Variants in CHTF8 observed in about 807,000 individuals in gnomAD.
CHTF8 encodes chromosome transmission fidelity protein 8 homolog.
A neutral mutation model predicts 11.0 loss-of-function variants in CHTF8; 6 were observed. That is an observed-to-expected ratio of 0.55 (90% CI 0.30 to 1.08). The LOEUF is 1.08. Ranked by LOEUF, CHTF8 falls within the 50% of genes least tolerant of loss-of-function variation. The pLI is 0.07. For synonymous variants in CHTF8, 53 were observed against 60.5 expected, an observed-to-expected ratio of 0.88 and a Z score of 0.57; for missense variants, 140 against 153.1, an observed-to-expected ratio of 0.91 and a Z score of 0.45.
In CHTF8 at chr16:69,119,422, C is replaced by G. The variant is rs960380567; in HGVS notation, c.*1003G>C. The G allele has an allele frequency of 1.4e-6, 1 of 702,936 alleles. No homozygotes were observed. Among genetic ancestry groups the G allele is most frequent in the Admixed American group, 2.0e-5 (1 of 50,004 alleles). 43.5% of individuals were successfully genotyped at this position (702,936 alleles called of 1,614,324 possible). A position where few individuals can be genotyped will look rare whatever the true frequency, so the allele number is the denominator to read the frequency against. ...ATTAGGGCCTATGGGGCCAGGAGCC[C>G]TTGACATGGGAGATGGATTTGGCCC... On this transcript the variant is annotated 3_prime_UTR_variant, in exon 4 of 4. Coordinates refer to ENST00000448552, the MANE Select transcript of CHTF8 (RefSeq NM_001039690.5).
chr16:69,118,384 T>C lies in CHTF8; in HGVS notation c.*2041A>G. On this transcript the variant is annotated 3_prime_UTR_variant, in exon 4 of 4. Transcript: ENST00000448552. ...CAGGGAAAGGTATGGCAGTAGAGGATGACCAGGTCCAAGCTGCCCAGGTCA... is the reference window on the plus strand; with the variant it reads ...CAGGGAAAGGTATGGCAGTAGAGGACGACCAGGTCCAAGCTGCCCAGGTCA... The C allele has an allele frequency of 6.2e-7, 1 of 1,612,742 alleles. No homozygotes were observed. The highest frequency in any genetic ancestry group is 1.3e-5 in the African/African-American group (1 of 74,994).
intron 1 of CHTF8, among the ~76,000 whole-genome samples, chr16:69,131,064 A>G (rs1962470945): frequency 6.6e-6 from 1 of 152,198 alleles, no homozygotes; most frequent in South Asian, 2.1e-4. Flanking sequence ...ACAGGTCTAT[A>G]CTTTTGAAGG....
At position 69,120,533 on chromosome 16, in the gene CHTF8, A is replaced by T; in HGVS notation, c.258T>A (p.Leu86=). Residue 86 remains leucine, a synonymous_variant, in exon 4 of 4, where the codon CTT becomes CTA. Coordinates refer to ENST00000448552, the MANE Select transcript of CHTF8 (RefSeq NM_001039690.5). The surrounding 1 kb of genome is among the most constrained non-coding windows in gnomAD (Gnocchi z 4.0). ...GGTACCGGGTGCCAGTCTCGCGGCC[A>T]AGCTCATCACAGTCCTGATCCCCAG... ...HTPGDQDCDE[L]GRETGTRYLV... The T allele has an allele frequency of 6.2e-7, 1 of 1,614,118 alleles. No homozygotes were observed. Among genetic ancestry groups the T allele is most frequent in the East Asian group, 2.2e-5 (1 of 44,864 alleles).
rs1351932714 is a variant in CHTF8 at position 69,119,770 on chromosome 16, G to A, written c.*655C>T. On this transcript the variant is annotated 3_prime_UTR_variant, in exon 4 of 4. Transcript: ENST00000448552. ...CACACCTGACCTGGGGGCAGGGTTTGTCCCTAAAAAGCCTGATCTCAGATT... is the reference window on the plus strand; with the variant it reads ...CACACCTGACCTGGGGGCAGGGTTTATCCCTAAAAAGCCTGATCTCAGATT... 1.4e-6 allele frequency: 1 copy of A among 698,782 alleles called. No homozygotes were observed. Among genetic ancestry groups the A allele is most frequent in the Non-Finnish European group, 2.6e-6 (1 of 382,752 alleles). 43.3% of individuals were successfully genotyped at this position (698,782 alleles called of 1,614,324 possible). A position where few individuals can be genotyped will look rare whatever the true frequency, so the allele number is the denominator to read the frequency against.
At chr16:69,125,421 G>A (rs1961986860) in intron 1 of CHTF8, among the ~76,000 whole-genome samples, 1 of 152,170 alleles carries the variant, frequency 6.6e-6, no homozygotes, top group Admixed American at 6.5e-5. Context: ...CAGCTGCTAT[G>A]TGACAGAGTA....
At position 69,119,505 on chromosome 16, in the gene CHTF8, T is replaced by G. The variant is rs1597106515; in HGVS notation, c.*920A>C. The stretch of plus-strand genomic sequence containing the variant: ...AGTTTGGGCCCATGGGGCCAGGTAC[T>G]CTTGCCATGGAGGATGGGCTTGTGC... On this transcript the variant is annotated 3_prime_UTR_variant, in exon 4 of 4. Transcript: ENST00000448552. 1 of 702,990 alleles carries G rather than the reference T, an allele frequency of 1.4e-6. No individual in the cohort carries two copies. The highest frequency in any genetic ancestry group is 2.7e-5 in the East Asian group (1 of 37,294). 43.5% of individuals were successfully genotyped at this position (702,990 alleles called of 1,614,324 possible). A position where few individuals can be genotyped will look rare whatever the true frequency, so the allele number is the denominator to read the frequency against.
At chr16:69,126,783 A>G (rs566161966) in intron 1 of CHTF8, among the ~76,000 whole-genome samples, 1 of 152,276 alleles carries the variant, frequency 6.6e-6, no homozygotes, top group Admixed American at 6.5e-5. Flanking sequence ...TAGCACCTTA[A>G]AATATCCTGT....
chr16:69,120,448 T>C lies in CHTF8; in HGVS notation c.343A>G (p.Thr115Ala), dbSNP rs777550145. 1.2e-6 allele frequency: 2 copies of C among 1,614,078 alleles called. No homozygotes were observed. Among genetic ancestry groups the C allele is most frequent in the Non-Finnish European group, 1.7e-6 (2 of 1,179,994 alleles). Residue 115 changes from threonine to alanine, a missense_variant, in exon 4 of 4, where the codon ACC becomes GCC. Physicochemically the swap from Thr to Ala is moderately conservative, Grantham distance 58. Coordinates refer to ENST00000448552, the MANE Select transcript of CHTF8 (RefSeq NM_001039690.5). The surrounding 1 kb of genome is among the most constrained non-coding windows in gnomAD (Gnocchi z 4.0). ...LFKTRPKPII[T>A]SVPKKV Reference sequence around the variant, plus strand: ...TTTCATACTTTCTTGGGGACGCTGGTGATAATGGGCTTGGGGCGGGTTTTG... The same window carrying C: ...TTTCATACTTTCTTGGGGACGCTGGCGATAATGGGCTTGGGGCGGGTTTTG...
chr16:69,119,461 C>T lies in CHTF8; in HGVS notation c.*964G>A. ...TGGATTTGGCCCTGGAAGGCCAATT[C>T]CCCGAGAGCTAGGACCCGAGTTTGG... On this transcript the variant is annotated 3_prime_UTR_variant, in exon 4 of 4. Coordinates refer to ENST00000448552, the MANE Select transcript of CHTF8 (RefSeq NM_001039690.5). 2 of 702,904 alleles carry T rather than the reference C, an allele frequency of 2.8e-6. No individual in the cohort carries two copies. The highest frequency in any genetic ancestry group is 3.0e-5 in the South Asian group (2 of 67,574). The allele number at this position is 702,904 out of a possible 1,614,324, so 43.5% of individuals were successfully genotyped here. A position where few individuals can be genotyped will look rare whatever the true frequency, so the allele number is the denominator to read the frequency against.
Position 69,118,870 on chromosome 16 carries a change from C to G in CHTF8, c.*1555G>C. On this transcript the variant is annotated 3_prime_UTR_variant, in exon 4 of 4. Coordinates refer to ENST00000448552, the MANE Select transcript of CHTF8 (RefSeq NM_001039690.5). ...AAATGGTGTTTAAGGGGGCAACATT[C>G]CATTTGGGTACATTGCAGCCATTGG... The G allele has an allele frequency of 1.4e-6, 1 of 702,630 alleles. No homozygotes were observed. Among genetic ancestry groups the G allele is most frequent in the Non-Finnish European group, 2.6e-6 (1 of 384,718 alleles). 43.5% of individuals were successfully genotyped at this position (702,630 alleles called of 1,614,324 possible).
chr16:69,130,731 G>A (rs923571331), intron 1 of CHTF8, among the ~76,000 whole-genome samples: 1 of 152,164 alleles, frequency 6.6e-6, no homozygotes, highest in East Asian at 1.9e-4. Context: ...GAGAAAGGTG[G>A]CATTTTCTTA....
chr16:69,124,830 C>G (rs1961938750), intron 1 of CHTF8, among the ~76,000 whole-genome samples: 1 of 152,128 alleles, frequency 6.6e-6, no homozygotes, highest in Admixed American at 6.5e-5. Flanking sequence ...GTTAATCTTC[C>G]TTTTGGATCT....
chr16:69,123,752 C>T (rs112659691), intron 1 of CHTF8, among the ~76,000 whole-genome samples: 19 of 152,182 alleles, frequency 1.2e-4, no homozygotes, highest in African/African-American at 3.6e-4. Context: ...CAAAAGCTTT[C>T]ACCACCTTTC....
rs1961327438 is a variant in CHTF8, at chr16:69,118,385, G to A, written c.*2040C>T. 1 of 1,612,754 alleles carries A rather than the reference G, an allele frequency of 6.2e-7. No homozygotes were observed. Among genetic ancestry groups the A allele is most frequent in the Non-Finnish European group, 8.5e-7 (1 of 1,178,764 alleles). On this transcript the variant is annotated 3_prime_UTR_variant, in exon 4 of 4. Transcript: ENST00000448552. ...AGGGAAAGGTATGGCAGTAGAGGAT[G>A]ACCAGGTCCAAGCTGCCCAGGTCAG... is the stretch of plus-strand genomic sequence containing the variant.
chr16:69,129,089 CAAAAA>C (rs768378198), intron 1 of CHTF8, among the ~76,000 whole-genome samples: 1 of 144,562 alleles, frequency 6.9e-6, no homozygotes, highest in South Asian at 2.2e-4. Flanking sequence ...TGAAACAAAA[CAAAAA>C]AAAAACTGGC....
Position 69,118,443 on chromosome 16 carries a change from AC to A in CHTF8, c.*1981del. On this transcript the variant is annotated 3_prime_UTR_variant, in exon 4 of 4. Coordinates refer to ENST00000448552, the MANE Select transcript of CHTF8 (RefSeq NM_001039690.5). ...GAAGCATGGTCCGTTCACCAACGCC[AC>A]GTTTCTAGAGAGCAGTGAGCTGATT... 6.2e-7 allele frequency: 1 copy of A among 1,609,568 alleles called. No individual in the cohort carries two copies. The highest frequency in any genetic ancestry group is 1.7e-4 in the Middle Eastern group (1 of 6,048).
rs769889353 is a variant in CHTF8, at chr16:69,120,906, T to C, written c.141+147A>G. On this transcript the variant is annotated intron_variant, in intron 3 of 3. Transcript: ENST00000448552. This position sits in a 1 kb window ranked among gnomAD's most constrained non-coding sequence, Gnocchi z 4.0. Reference sequence around the variant, plus strand: ...TTAAATTTCCCTGCTACTGCAGAGGTAGGGGGAGAACAAGCAGAGAGCATC... The same window carrying C: ...TTAAATTTCCCTGCTACTGCAGAGGCAGGGGGAGAACAAGCAGAGAGCATC... The C allele has an allele frequency of 2.5e-6, 2 of 807,726 alleles. No homozygotes were observed. Among genetic ancestry groups the C allele is most frequent in the South Asian group, 1.4e-5 (1 of 73,504 alleles). The allele number at this position is 807,726 out of a possible 1,614,324, so 50.0% of individuals were successfully genotyped here.
Position 69,120,963 on chromosome 16 carries a change from G to T in CHTF8, c.141+90C>A. On this transcript the variant is annotated intron_variant, in intron 3 of 3. Coordinates refer to ENST00000448552, the MANE Select transcript of CHTF8 (RefSeq NM_001039690.5). The surrounding 1 kb of genome is among the most constrained non-coding windows in gnomAD (Gnocchi z 4.0). ...TAGCTAGGCCTTGAATAACAAACCTGAGGCAGTCCTCACTCTGGGTCCTGG... is the reference window on the plus strand; with the variant it reads ...TAGCTAGGCCTTGAATAACAAACCTTAGGCAGTCCTCACTCTGGGTCCTGG... The T allele has an allele frequency of 9.2e-7, 1 of 1,086,994 alleles. No homozygotes were observed. Among genetic ancestry groups the T allele is most frequent in the Non-Finnish European group, 1.4e-6 (1 of 698,528 alleles). The allele number at this position is 1,086,994 out of a possible 1,614,324, so 67.3% of individuals were successfully genotyped here.
At chr16:69,126,725 C>T (rs1962085761) in intron 1 of CHTF8, among the ~76,000 whole-genome samples, 1 of 152,212 alleles carries the variant, frequency 6.6e-6, no homozygotes, top group South Asian at 2.1e-4. Context: ...TACTACTAGT[C>T]AGGAACGTAG....
Sources: gnomAD v4.1 joint callset for allele counts (sites outside exome capture counted in the v4.1 genomes callset) on GRCh38, gnomAD v4.1.1 for gene constraint, Gnocchi (gnomAD v3.1) non-coding constraint, MANE v1.5 for transcripts, NCBI Gene and HGNC (gene_info 2026-07-23, HGNC 2026-07-21) for gene names.